Variants in PSAT1 observed in about 807,000 individuals in gnomAD.
The protein encoded by PSAT1 is phosphoserine aminotransferase 1, also known as phosphoserine aminotransferase.
PSAT1 carries 41 observed loss-of-function variants against 40.3 expected under a neutral mutation model. The ratio of observed to expected loss-of-function variants is 1.02; its 90% CI spans 0.79 to 1.32. The LOEUF is 1.32. Among genes scored for constraint, PSAT1 ranks in the 40% most tolerant of loss-of-function variants. The pLI is 0.00. For synonymous variants in PSAT1, 147 were observed against 170.5 expected (o/e 0.86, Z 1.07); for missense variants, 406 against 455.8 (o/e 0.89, Z 0.99).
At chr9:78,326,079 G>A (rs1420330320) in intron 7 of PSAT1, among the ~76,000 whole-genome samples, 1 of 152,140 alleles carries the variant, frequency 6.6e-6, no homozygotes, top group Non-Finnish European at 1.5e-5. Context: ...GAATAGTGGG[G>A]CCTGGAATTC....
At chr9:78,304,119 C>T (rs1250263691) in intron 3 of PSAT1, among the ~76,000 whole-genome samples, 1 of 152,140 alleles carries the variant, frequency 6.6e-6, no homozygotes, top group Non-Finnish European at 1.5e-5. Flanking sequence ...TATAGGACCC[C>T]CAACTCACTG....
At chr9:78,326,955 A>ATATATATATTT in intron 7 of PSAT1, among the ~76,000 whole-genome samples, 1 of 75,932 alleles carries the variant, frequency 1.3e-5, no homozygotes, top group African/African-American at 9.5e-5. Flanking sequence ...ATATATATAT[A>ATATATATATTT]TTTTTTTTTT....
intron 6 of PSAT1, among the ~76,000 whole-genome samples, chr9:78,315,942 A>G (rs946014004): frequency 2.0e-5 from 3 of 152,194 alleles, no homozygotes; most frequent in Non-Finnish European, 2.9e-5. Context: ...CACAATTCCC[A>G]TAGGGGATCT....
At chr9:78,324,957 CTTT>C (rs923807289) in intron 7 of PSAT1, among the ~76,000 whole-genome samples, 9 of 151,950 alleles carry the variant, frequency 5.9e-5, no homozygotes, top group Non-Finnish European at 1.3e-4. Context: ...ACCTAGAAAG[CTTT>C]TTTTTTGTTT....
At chr9:78,301,829 A>T (rs1828111487) in intron 2 of PSAT1, 125 bp from the exon 3 acceptor site, 1 of 774,150 alleles carries the variant, frequency 1.3e-6, no homozygotes, top group South Asian at 1.5e-5. Context: ...CTTGGCCCAC[A>T]ATTTGAATGC....
intron 7 of PSAT1, among the ~76,000 whole-genome samples, chr9:78,320,329 CATCCATCT>C (rs1189094862): frequency 6.7e-6 from 1 of 149,970 alleles, no homozygotes; most frequent in African/African-American, 2.5e-5. Context: ...ATCTTCCATC[CATCCATCT>C]ATCCATCCAT....
At chr9:78,320,399 C>A (rs1213504882) in intron 7 of PSAT1, among the ~76,000 whole-genome samples, 1 of 149,570 alleles carries the variant, frequency 6.7e-6, no homozygotes, top group Non-Finnish European at 1.5e-5. Flanking sequence ...CATCCACACA[C>A]CCACCTATCT....
At chr9:78,318,763 C>CT (rs1477629872) in intron 7 of PSAT1, among the ~76,000 whole-genome samples, 5 of 152,156 alleles carry the variant, frequency 3.3e-5, no homozygotes, top group Non-Finnish European at 7.4e-5. Context: ...CTGCAAAGTC[C>CT]TTTTTTTCCA....
Position 78,308,468 on chromosome 9 carries a change from G to T in PSAT1, c.625G>T (p.Val209Leu). The change falls in exon 6 of 9, where the codon GTG becomes TTG. Residue 209 changes from valine (V) to leucine (L), a missense_variant. Physicochemically the swap from Val to Leu is conservative, Grantham distance 32. Coordinates refer to ENST00000376588, the MANE Select transcript of PSAT1 (RefSeq NM_058179.4). ...GAATGTTGGCTCTGCTGGGGTCACCGTGGTGATTGTCCGTGATGACCTGCT... is the reference window on the plus strand; with the variant it reads ...GAATGTTGGCTCTGCTGGGGTCACCTTGGTGATTGTCCGTGATGACCTGCT... ...QKNVGSAGVT[V>L]VIVRDDLLGF... 1 of 1,613,892 alleles carries T rather than the reference G, an allele frequency of 6.2e-7. No homozygotes were observed.
At chr9:78,325,190 G>GA (rs1396138524) in intron 7 of PSAT1, among the ~76,000 whole-genome samples, 1 of 151,932 alleles carries the variant, frequency 6.6e-6, no homozygotes, top group Non-Finnish European at 1.5e-5. Flanking sequence ...CCTAAAGATG[G>GA]AAAAAAATGA....
At position 78,304,897 on chromosome 9, in the gene PSAT1, T is replaced by C. The variant is rs1828159080; in HGVS notation, c.354T>C (p.Phe118=). ...SAKAAEEAKK[F]GTINIVHPKL... Reference sequence around the variant, plus strand: ...AGGCCGCAGAAGAAGCCAAGAAGTTTGGGACTATAAATATCGTTCACCCTA... The same window carrying C: ...AGGCCGCAGAAGAAGCCAAGAAGTTCGGGACTATAAATATCGTTCACCCTA... Residue 118 remains phenylalanine (F), a synonymous_variant, in exon 4 of 9, where the codon TTT becomes TTC. Transcript: ENST00000376588. 8.1e-6 allele frequency: 13 copies of C among 1,613,376 alleles called. No individual in the cohort carries two copies. Among genetic ancestry groups the C allele is most frequent in the Non-Finnish European group, 1.1e-5 (13 of 1,180,048 alleles).
chr9:78,322,798 G>C lies in PSAT1; in HGVS notation c.869+4994G>C, dbSNP rs1183248483. On this transcript the variant is annotated intron_variant, in intron 7 of 8. Coordinates refer to ENST00000376588, the MANE Select transcript of PSAT1 (RefSeq NM_058179.4). The stretch of plus-strand genomic sequence containing the variant: ...AAATGGAAAGATGCCACCTTCATTA[G>C]TTCCTTAGGAAATGCAGATTAAACC... 3.3e-5 allele frequency among the ~76,000 whole-genome samples: 5 copies of C among 152,192 alleles called. No individual in the cohort carries two copies. The East Asian group carries it at 9.6e-4, about 29-fold the overall frequency.
At chr9:78,305,490 G>A (rs1828168610) in intron 4 of PSAT1, among the ~76,000 whole-genome samples, 1 of 152,178 alleles carries the variant, frequency 6.6e-6, no homozygotes, top group African/African-American at 2.4e-5. Context: ...AAAGTCCAGG[G>A]GCTGGTTTGG....
intron 1 of PSAT1, among the ~76,000 whole-genome samples, chr9:78,297,715 T>C (rs1432113235): frequency 6.6e-6 from 1 of 152,146 alleles, no homozygotes; most frequent in African/African-American, 2.4e-5. Context: ...ATGGACATAG[T>C]GTGAATGAGT....
chr9:78,318,076 G>A (rs376621625), intron 7 of PSAT1, among the ~76,000 whole-genome samples: 196 of 152,188 alleles, frequency 1.3e-3, no homozygotes, highest in Admixed American at 2.8e-3. Flanking sequence ...AAGAATCTCA[G>A]TTCACTCCCT....
chr9:78,303,233 T>C (rs1166993004), intron 3 of PSAT1, among the ~76,000 whole-genome samples: 1 of 152,190 alleles, frequency 6.6e-6, no homozygotes, highest in Non-Finnish European at 1.5e-5. Context: ...ATGATTCAGA[T>C]GGGGCAGGCT....
At chr9:78,314,721 C>A (rs980196732) in intron 6 of PSAT1, among the ~76,000 whole-genome samples, 1 of 152,062 alleles carries the variant, frequency 6.6e-6, no homozygotes, top group East Asian at 1.9e-4. Flanking sequence ...TCATGGGCGG[C>A]GAGTGTGAGC....
At chr9:78,300,905 T>A (rs1828098261) in intron 2 of PSAT1, among the ~76,000 whole-genome samples, 1 of 151,902 alleles carries the variant, frequency 6.6e-6, no homozygotes. Context: ...GTTTAAAACA[T>A]TTTTTAAAGA....
chr9:78,312,319 G>A (rs7875271), intron 6 of PSAT1, among the ~76,000 whole-genome samples: 5,010 of 152,194 alleles, frequency 0.033, 136 homozygotes, highest in African/African-American at 0.067. Context: ...ACAAGCATAC[G>A]TTTGTTTTAG....
Sources: gnomAD v4.1 joint callset for allele counts (sites outside exome capture counted in the v4.1 genomes callset) on GRCh38, gnomAD v4.1.1 for gene constraint, MANE v1.5 for transcripts, NCBI Gene and HGNC (gene_info 2026-07-23, HGNC 2026-07-21) for gene names.